ARMC2: variants seen among roughly 807,000 people sequenced by gnomAD.
ARMC2 encodes armadillo repeat containing 2.
In ARMC2, 67 loss-of-function variants were observed where a neutral mutation model predicts 90.3. The observed-to-expected ratio is 0.74, with a 90% CI of 0.61 to 0.91. ARMC2 has a LOEUF of 0.91. Ranked by LOEUF, ARMC2 falls within the 40% of genes least tolerant of loss-of-function variation. ARMC2 has a pLI of 0.00. For missense variants in ARMC2, 920 were observed against 1,030.9 expected (o/e 0.89, Z 1.47); for synonymous variants, 393 against 393.0 (o/e 1.00, Z 0.00).
intron 11 of ARMC2, among the ~76,000 whole-genome samples, chr6:108,929,061 T>TG (rs1775325116): frequency 6.6e-6 from 1 of 152,142 alleles, no homozygotes; most frequent in African/African-American, 2.4e-5. Context: ...CGTGGAGGCT[T>TG]GGGGTCTCGA....
At chr6:109,028,922 G>A in the ARMC2 span, among the ~76,000 whole-genome samples, 40 of 152,270 alleles carry the variant, frequency 2.6e-4, no homozygotes, top group East Asian at 6.4e-3. Context: ...GGTGACATGA[G>A]AGCGGGTATC....
intron 11 of ARMC2, among the ~76,000 whole-genome samples, chr6:108,935,243 A>G (rs906402312): frequency 6.6e-6 from 1 of 152,074 alleles, no homozygotes; most frequent in African/African-American, 2.4e-5. Context: ...TATATTATTG[A>G]TCCACTTTAT....
At chr6:108,888,706 C>T (rs1770637389) in intron 5 of ARMC2, among the ~76,000 whole-genome samples, 2 of 152,122 alleles carry the variant, frequency 1.3e-5, no homozygotes, top group Admixed American at 1.3e-4. Context: ...GTGTGGAAAC[C>T]CTGGTAGGCT....
the ARMC2 span, chr6:109,000,083 G>C: frequency 6.5e-6 from 1 of 153,232 alleles, no homozygotes; most frequent in Non-Finnish European, 1.5e-5. Flanking sequence ...TTCTGGAAAA[G>C]GCAAAACTAT....
downstream of ARMC2, among the ~76,000 whole-genome samples, chr6:108,978,856 T>A (rs1393007016): frequency 6.6e-6 from 1 of 152,120 alleles, no homozygotes; most frequent in Non-Finnish European, 1.5e-5. Flanking sequence ...TTGGTAAATA[T>A]TCCTCTATCC....
At chr6:108,962,174 A>G (rs1778048131) in intron 15 of ARMC2, 47 bp downstream of exon 15, 6 of 1,434,920 alleles carry the variant, frequency 4.2e-6, no homozygotes, top group Non-Finnish European at 5.8e-6. Context: ...TTTTGCCAAT[A>G]ATCAGCTGAG....
At chr6:109,038,202 G>C in the ARMC2 span, among the ~76,000 whole-genome samples, 1 of 152,188 alleles carries the variant, frequency 6.6e-6, no homozygotes, top group African/African-American at 2.4e-5. Context: ...GTATAAAAAA[G>C]CACAAGCCAG....
At chr6:108,965,708 G>C (rs373973659) in intron 17 of ARMC2, among the ~76,000 whole-genome samples, 15 of 152,084 alleles carry the variant, frequency 9.9e-5, no homozygotes, top group African/African-American at 3.4e-4. Context: ...ACAGTGGTGC[G>C]ATCACTGCTC....
rs1424996805 is a variant in ARMC2, at chr6:108,974,000, C to CT, written c.*489dup. On this transcript the variant is annotated 3_prime_UTR_variant, in exon 18 of 18. Transcript: ENST00000392644. ...CATTAGGTACCAGTATTTTTTTGGT[C>CT]TTTATATTAAGAGAAGGAGTAAGCA... 6.6e-6 allele frequency: 1 copy of CT among 152,030 alleles called. No homozygotes were observed. The highest frequency in any genetic ancestry group is 1.9e-4 in the East Asian group (1 of 5,198). The allele number at this position is 152,030 out of a possible 1,614,324, so 9.4% of individuals were successfully genotyped here.
At chr6:108,883,394 C>T (rs951467818) in intron 5 of ARMC2, among the ~76,000 whole-genome samples, 1 of 152,136 alleles carries the variant, frequency 6.6e-6, no homozygotes, top group African/African-American at 2.4e-5. Flanking sequence ...TAAAAGCATT[C>T]ATGGTGAGTA....
chr6:108,944,217 G>C (rs1258872830), intron 12 of ARMC2, among the ~76,000 whole-genome samples: 1 of 152,194 alleles, frequency 6.6e-6, no homozygotes, highest in East Asian at 1.9e-4. Context: ...TGACAAAGTA[G>C]GAACCAAGTT....
At chr6:109,037,461 A>G in the ARMC2 span, among the ~76,000 whole-genome samples, 1 of 152,172 alleles carries the variant, frequency 6.6e-6, no homozygotes, top group Non-Finnish European at 1.5e-5. Context: ...ATACACCAAG[A>G]TGTTAAAATT....
chr6:108,955,742 A>C (rs148262761), intron 13 of ARMC2, among the ~76,000 whole-genome samples: 92 of 152,312 alleles, frequency 6.0e-4, no homozygotes, highest in African/African-American at 2.1e-3. Flanking sequence ...CGTAGCTGTG[A>C]GAGAAATTCA....
chr6:108,862,931 CCT>C lies in ARMC2; in HGVS notation c.291+4667_291+4668del, dbSNP rs1392408654. Among the ~76,000 whole-genome samples, 11 of 152,228 alleles carry C rather than the reference CCT, an allele frequency of 7.2e-5. No homozygotes were observed. In the East Asian group the frequency reaches 2.1e-3, roughly 30 times the overall value. On this transcript the variant is annotated intron_variant, in intron 3 of 17. Transcript: ENST00000392644. ...CTCAATGCTGCTTTTGTACAGCTGC[CCT>C]CTCTCTTTCTCCCCATCCTATCTGG...
At chr6:108,899,179 C>T (rs1189427848) in intron 6 of ARMC2, among the ~76,000 whole-genome samples, 4 of 152,122 alleles carry the variant, frequency 2.6e-5, no homozygotes, top group African/African-American at 7.2e-5. Flanking sequence ...ATTTGTCAGC[C>T]CCGAAGGCCC....
chr6:109,021,315 A>G, the ARMC2 span, among the ~76,000 whole-genome samples: 1 of 152,282 alleles, frequency 6.6e-6, no homozygotes, highest in African/African-American at 2.4e-5. Flanking sequence ...GAGGTTTGCT[A>G]ATAACATTGT....
the ARMC2 span, among the ~76,000 whole-genome samples, chr6:109,007,077 C>T: frequency 4.6e-5 from 7 of 152,196 alleles, no homozygotes; most frequent in Admixed American, 4.6e-4. Flanking sequence ...ATCTTTTCCC[C>T]TCAACAACCT....
chr6:108,870,037 AT>A (rs1200238829), intron 4 of ARMC2, among the ~76,000 whole-genome samples: 1 of 152,142 alleles, frequency 6.6e-6, no homozygotes, highest in East Asian at 1.9e-4. Flanking sequence ...TTACAAACTG[AT>A]TTCTGACTGT....
chr6:108,869,574 AATG>A (rs1468530426), intron 4 of ARMC2, among the ~76,000 whole-genome samples: 1 of 152,218 alleles, frequency 6.6e-6, no homozygotes, highest in Non-Finnish European at 1.5e-5. Context: ...ATTAGAAATA[AATG>A]ATTTTTAAAT....
Sources: allele counts gnomAD v4.1 joint callset (sites outside exome capture counted in the v4.1 genomes callset), GRCh38; gene constraint gnomAD v4.1.1; transcripts MANE v1.5; gene names NCBI Gene and HGNC (gene_info 2026-07-23, HGNC 2026-07-21).